TMEM72: variants seen among roughly 807,000 people sequenced by gnomAD.
TMEM72 encodes the protein transmembrane protein 72.
Under a neutral mutation model 16.3 loss-of-function variants are expected in TMEM72, and 9 were observed. The ratio of observed to expected loss-of-function variants is 0.55; its 90% CI spans 0.33 to 0.96. The LOEUF is 0.96. Ranked by LOEUF, TMEM72 falls within the 40% of genes least tolerant of loss-of-function variation. TMEM72 has a pLI of 0.03. For missense variants in TMEM72, 324 were observed against 337.8 expected (o/e 0.96, Z 0.32); for synonymous variants, 160 against 146.5 (o/e 1.09, Z -0.66).
chr10:44,932,894 G>A (rs11596745), intron 3 of TMEM72, among the ~76,000 whole-genome samples: 26,865 of 152,234 alleles, frequency 0.18, 2,426 homozygotes, highest in South Asian at 0.21. Flanking sequence ...AGTGAGCCAT[G>A]GCAGTCCAGC....
At chr10:44,933,495 C>T in intron 3 of TMEM72, 142 bp from the exon 4 acceptor site, 1 of 1,162,580 alleles carries the variant, frequency 8.6e-7, no homozygotes, top group East Asian at 2.5e-5. Context: ...GAACCCACAC[C>T]AAGGACCGCT....
Position 44,934,617 on chromosome 10 carries a change from G to A in TMEM72, c.350-39G>A, listed in dbSNP as rs73279306. Reference sequence around the variant, plus strand: ...CTTGCAAGGACTCCGGATTTTTTCCGTGACTCCTCTAGAGCCCTGACCTCT... The same window carrying A: ...CTTGCAAGGACTCCGGATTTTTTCCATGACTCCTCTAGAGCCCTGACCTCT... On this transcript the variant is annotated intron_variant, in intron 4 of 4. Coordinates refer to ENST00000389583, the MANE Select transcript of TMEM72 (RefSeq NM_001123376.3). 7,050 of 1,505,352 alleles carry A rather than the reference G, an allele frequency of 4.7e-3. 188 individuals carry two copies. In the African/African-American group the frequency reaches 0.064, roughly 14 times the overall value. 93.2% of individuals were successfully genotyped at this position (1,505,352 alleles called of 1,614,324 possible). A position where few individuals can be genotyped will look rare whatever the true frequency, so the allele number is the denominator to read the frequency against.
At position 44,931,638 on chromosome 10, in the gene TMEM72, C is replaced by T. The variant is rs187094787; in HGVS notation, c.138-360C>T. ...ATAGGAAAAGGAAGAAGGAAAGGGTCAGGAACAGGTCCAGGTTTAAGGCTG... is the reference window on the plus strand; with the variant it reads ...ATAGGAAAAGGAAGAAGGAAAGGGTTAGGAACAGGTCCAGGTTTAAGGCTG... On this transcript the variant is annotated intron_variant, in intron 2 of 4. Transcript: ENST00000389583. 2.0e-5 allele frequency among the ~76,000 whole-genome samples: 3 copies of T among 152,326 alleles called. No individual in the cohort carries two copies. The East Asian group carries it at 5.8e-4, about 29-fold the overall frequency.
At chr10:44,918,588 A>T (rs891331417) in intron 1 of TMEM72, among the ~76,000 whole-genome samples, 1 of 152,220 alleles carries the variant, frequency 6.6e-6, no homozygotes, top group African/African-American at 2.4e-5. Context: ...AAGTTTTAAC[A>T]AATACAAATA....
rs1840409729 is a variant in TMEM72 at position 44,936,897 on chromosome 10, C to G, written c.*1763C>G. On this transcript the variant is annotated 3_prime_UTR_variant, in exon 5 of 5. Transcript: ENST00000389583. ...GACGTTCCTCTGCATCAGAGTAGTT[C>G]TGTCCTCGAAGCCCCAGTCAGCAGA... The G allele has an allele frequency of 6.6e-6, 1 of 152,280 alleles. No homozygotes were observed. Among genetic ancestry groups the G allele is most frequent in the Non-Finnish European group, 1.5e-5 (1 of 68,074 alleles). The allele number at this position is 152,280 out of a possible 1,614,324, so 9.4% of individuals were successfully genotyped here.
chr10:44,928,763 CATCT>C (rs138800621), intron 2 of TMEM72, among the ~76,000 whole-genome samples: 2,731 of 124,776 alleles, frequency 0.022, 89 homozygotes, highest in African/African-American at 0.079. Flanking sequence ...TCTATCTACC[CATCT>C]ATCTATCTAT....
chr10:44,912,781 T>G (rs1474046529), intron 1 of TMEM72, among the ~76,000 whole-genome samples: 1 of 152,208 alleles, frequency 6.6e-6, no homozygotes, highest in Non-Finnish European at 1.5e-5. Flanking sequence ...TCAGGAGCAC[T>G]GGGCTGGGTT....
At chr10:44,914,635 G>T (rs971808399) in intron 1 of TMEM72, among the ~76,000 whole-genome samples, 2 of 152,212 alleles carry the variant, frequency 1.3e-5, no homozygotes, top group African/African-American at 4.8e-5. Flanking sequence ...GTGTCCACTA[G>T]AGACAGGGTA....
intron 1 of TMEM72, 78 bp from the exon 2 acceptor site, chr10:44,927,843 C>A: frequency 6.7e-7 from 1 of 1,502,148 alleles, no homozygotes; most frequent in Non-Finnish European, 9.2e-7. Flanking sequence ...ACTCACTCCA[C>A]AGCCAAGGTA....
intron 2 of TMEM72, among the ~76,000 whole-genome samples, chr10:44,931,626 G>A (rs976173859): frequency 2.0e-5 from 3 of 152,214 alleles, no homozygotes; most frequent in Admixed American, 6.5e-5. Context: ...GGAAAAGGAA[G>A]AAGGAAAGGG....
intron 3 of TMEM72, 119 bp downstream of exon 3, chr10:44,932,188 A>T: frequency 8.1e-7 from 1 of 1,227,100 alleles, no homozygotes; most frequent in South Asian, 1.3e-5. Flanking sequence ...TGTGGACAGG[A>T]GCCCCCCACC....
At chr10:44,927,862 A>C in intron 1 of TMEM72, 59 bp from the exon 2 acceptor site, 2 of 1,573,334 alleles carry the variant, frequency 1.3e-6, no homozygotes, top group South Asian at 2.2e-5. Context: ...TACCCTCAAC[A>C]GGGCAGTGCT....
chr10:44,918,241 G>C (rs546333095), intron 1 of TMEM72, among the ~76,000 whole-genome samples: 3 of 152,144 alleles, frequency 2.0e-5, no homozygotes, highest in Non-Finnish European at 4.4e-5. Flanking sequence ...ATCTGGGTGG[G>C]AACACAGCCA....
chr10:44,920,113 A>G (rs2132715164), intron 1 of TMEM72: 1 of 152,296 alleles, frequency 6.6e-6, no homozygotes. Context: ...AGGAGATGAG[A>G]ATGAAAAGAA....
chr10:44,920,843 G>C (rs1840084872), intron 1 of TMEM72, among the ~76,000 whole-genome samples: 1 of 152,194 alleles, frequency 6.6e-6, no homozygotes, highest in African/African-American at 2.4e-5. Context: ...ACTTTCCTGA[G>C]GATGCAGGAC....
chr10:44,933,365 C>T (rs1210731721), intron 3 of TMEM72, among the ~76,000 whole-genome samples: 4 of 152,272 alleles, frequency 2.6e-5, no homozygotes, highest in African/African-American at 7.2e-5. Context: ...TCCTCACTAA[C>T]TCATGCAGCA....
At chr10:44,912,777 G>A (rs977982028) in intron 1 of TMEM72, among the ~76,000 whole-genome samples, 4 of 152,228 alleles carry the variant, frequency 2.6e-5, no homozygotes, top group African/African-American at 9.6e-5. Context: ...CATTTCAGGA[G>A]CACTGGGCTG....
intron 1 of TMEM72, among the ~76,000 whole-genome samples, chr10:44,925,549 G>A (rs545995974): frequency 1.3e-5 from 2 of 152,194 alleles, no homozygotes; most frequent in South Asian, 4.1e-4. Context: ...CCCATGACAC[G>A]CTTGGTATCA....
At chr10:44,920,884 T>G (rs567853647) in intron 1 of TMEM72, among the ~76,000 whole-genome samples, 18 of 152,310 alleles carry the variant, frequency 1.2e-4, no homozygotes, top group Admixed American at 1.1e-3. Context: ...CCCATATTCT[T>G]TCTGCTCTGG....
Sources: allele counts gnomAD v4.1 joint callset (sites outside exome capture counted in the v4.1 genomes callset), GRCh38; gene constraint gnomAD v4.1.1; transcripts MANE v1.5; gene names NCBI Gene and HGNC (gene_info 2026-07-23, HGNC 2026-07-21).